Variants in ZFHX3 observed in about 807,000 individuals in gnomAD.
ZFHX3 encodes the protein zinc finger homeobox protein 3.
ZFHX3 carries 42 observed loss-of-function variants against 279.1 expected under a neutral mutation model. That is an observed-to-expected ratio of 0.15 (90% CI 0.12 to 0.19). The LOEUF is 0.19. Ranked by LOEUF, ZFHX3 falls within the 10% of genes least tolerant of loss-of-function variation. ZFHX3 has a pLI of 1.00. For synonymous variants in ZFHX3, 2,293 were observed against 1,957.8 expected (o/e 1.17, Z -4.52); for missense variants, 4,981 against 4,754.0 (o/e 1.05, Z -1.40).
At chr16:72,882,991 T>C (rs1012019827) in intron 4 of ZFHX3, among the ~76,000 whole-genome samples, 4 of 95,302 alleles carry the variant, frequency 4.2e-5, no homozygotes, top group Non-Finnish European at 9.1e-5. Context: ...TGTGTGTGTG[T>C]GTGTGTGTGT....
At chr16:73,160,957 G>A (rs1012666000) in intron 5 of ZFHX3, among the ~76,000 whole-genome samples, 1 of 151,558 alleles carries the variant, frequency 6.6e-6, no homozygotes, top group African/African-American at 2.4e-5. Context: ...ACTTTCTTTG[G>A]CCAATGGGTT....
intron 3 of ZFHX3, among the ~76,000 whole-genome samples, chr16:73,410,218 C>A (rs945228471): frequency 2.6e-5 from 4 of 152,056 alleles, no homozygotes; most frequent in African/African-American, 2.4e-5. Flanking sequence ...GAGTTTGAGA[C>A]CAGTCTGACC....
intron 3 of ZFHX3, among the ~76,000 whole-genome samples, chr16:72,901,047 C>G (rs1341073162): frequency 6.6e-6 from 1 of 152,216 alleles, no homozygotes; most frequent in African/African-American, 2.4e-5. Context: ...GAAGCAGCTG[C>G]CTGCTACTGG....
In ZFHX3 at chr16:72,794,370, G is replaced by A; in HGVS notation, c.8312C>T (p.Ser2771Phe). ...KGDIFDGTSF[S>F]HLPPSSSDGQ... Reference sequence around the variant, plus strand: ...ATCACTACTGCTTGGGGGTAGGTGGGAAAAGCTAGTTCCGTCAAAAATATC... The same window carrying A: ...ATCACTACTGCTTGGGGGTAGGTGGAAAAAGCTAGTTCCGTCAAAAATATC... Residue 2771 changes from serine (S) to phenylalanine (F), a missense_variant, in exon 9 of 10, where the codon TCC (serine) becomes TTC (phenylalanine). Physicochemically the swap from Ser to Phe is radical, Grantham distance 155. Around this residue, in one of 7 missense-constraint regions of ZFHX3, gnomAD observed 744 missense variants for 701.3 expected, o/e 1.06. Coordinates refer to ENST00000268489, the MANE Select transcript of ZFHX3 (RefSeq NM_006885.4). The surrounding 1 kb of genome is among the most constrained non-coding windows in gnomAD (Gnocchi z 4.2). 1 of 1,602,728 alleles carries A rather than the reference G, an allele frequency of 6.2e-7. No individual in the cohort carries two copies. Among genetic ancestry groups the A allele is most frequent in the African/African-American group, 1.3e-5 (1 of 74,756 alleles).
intron 4 of ZFHX3, among the ~76,000 whole-genome samples, chr16:72,883,534 G>T (rs80217632): frequency 0.028 from 4,241 of 152,232 alleles, 122 homozygotes; most frequent in East Asian, 0.15. Flanking sequence ...TATTTTAAAA[G>T]CTGTAAGAAA....
chr16:73,431,950 G>C (rs1251323800), intron 3 of ZFHX3, among the ~76,000 whole-genome samples: 2 of 152,108 alleles, frequency 1.3e-5, no homozygotes, highest in Non-Finnish European at 2.9e-5. Context: ...TTTGACAAGG[G>C]GAATGTTTGG....
At chr16:73,228,003 A>G (rs1163888859) in intron 5 of ZFHX3, among the ~76,000 whole-genome samples, 1 of 152,170 alleles carries the variant, frequency 6.6e-6, no homozygotes, top group Non-Finnish European at 1.5e-5. Flanking sequence ...CTCCCTATGT[A>G]TTAGGCACTA....
intron 4 of ZFHX3, among the ~76,000 whole-genome samples, chr16:73,300,509 C>CTTTT (rs750858471): frequency 6.9e-6 from 1 of 144,138 alleles, no homozygotes; most frequent in Non-Finnish European, 1.5e-5. Context: ...TGCTCCTTGA[C>CTTTT]TTTTTTTTTT....
chr16:73,407,937 C>A (rs551671880), intron 3 of ZFHX3, among the ~76,000 whole-genome samples: 1 of 151,964 alleles, frequency 6.6e-6, no homozygotes, highest in African/African-American at 2.4e-5. Flanking sequence ...TTCCTACAGG[C>A]TGGGGAAAGC....
chr16:73,572,706 C>T (rs1489462679), intron 2 of ZFHX3, among the ~76,000 whole-genome samples: 1 of 152,200 alleles, frequency 6.6e-6, no homozygotes, highest in East Asian at 1.9e-4. Context: ...TTGTGCCTGG[C>T]TTGTATTCAC....
chr16:73,084,849 T>A (rs1363854302), intron 8 of ZFHX3, among the ~76,000 whole-genome samples: 1 of 152,068 alleles, frequency 6.6e-6, no homozygotes, highest in African/African-American at 2.4e-5. Flanking sequence ...ACCAAATACA[T>A]GAAAGATCTC....
chr16:72,803,530 T>C (rs1378430942), intron 7 of ZFHX3, among the ~76,000 whole-genome samples: 1 of 152,138 alleles, frequency 6.6e-6, no homozygotes, highest in Admixed American at 6.5e-5. Flanking sequence ...CAGAACAATA[T>C]ACATGCTTTC....
intron 1 of ZFHX3, among the ~76,000 whole-genome samples, chr16:72,977,490 A>T (rs973931961): frequency 1.3e-5 from 2 of 152,170 alleles, no homozygotes; most frequent in African/African-American, 4.8e-5. Context: ...TGAAGCATAA[A>T]GTCTAGGAAC....
At chr16:73,041,157 T>A (rs1173117823) in intron 1 of ZFHX3, among the ~76,000 whole-genome samples, 1 of 152,188 alleles carries the variant, frequency 6.6e-6, no homozygotes, top group Non-Finnish European at 1.5e-5. Flanking sequence ...ATTTCCTACC[T>A]TCAAACAAAC....
intron 1 of ZFHX3, among the ~76,000 whole-genome samples, chr16:73,041,951 G>C (rs1965133650): frequency 6.6e-6 from 1 of 152,198 alleles, no homozygotes; most frequent in Non-Finnish European, 1.5e-5. Flanking sequence ...GAAGTTGGGA[G>C]ATGGAGAAGA....
chr16:73,557,304 T>C (rs532754997), intron 2 of ZFHX3, among the ~76,000 whole-genome samples: 14 of 152,220 alleles, frequency 9.2e-5, no homozygotes, highest in African/African-American at 3.4e-4. Flanking sequence ...AACAATCTGT[T>C]AGTACTGTAC....
chr16:73,661,767 G>A (rs893968008), intron 2 of ZFHX3, among the ~76,000 whole-genome samples: 1 of 150,202 alleles, frequency 6.7e-6, no homozygotes, highest in South Asian at 2.1e-4. Flanking sequence ...TATTAGTAAT[G>A]GTTTCAAACA....
rs74824978 is a variant in ZFHX3 at position 73,022,069 on chromosome 16, C to G, written c.-50+25683G>C. Among the ~76,000 whole-genome samples, 22 of 152,244 alleles carry G rather than the reference C, an allele frequency of 1.4e-4. No homozygotes were observed. The East Asian group carries it at 4.1e-3, about 28-fold the overall frequency. ...CCCCTGCCCTCGTCCCGCCTCCTCT[C>G]CACAGCATTTAACATCATCCAAAAT... On this transcript the variant is annotated intron_variant, in intron 1 of 9. Transcript: ENST00000268489.
intron 1 of ZFHX3, among the ~76,000 whole-genome samples, chr16:73,031,289 A>G (rs528547878): frequency 2.0e-5 from 3 of 152,358 alleles, no homozygotes; most frequent in East Asian, 3.9e-4. Flanking sequence ...CGGGGGGGGA[A>G]GTAAACATTC....
Sources: gnomAD v4.1 joint callset for allele counts (sites outside exome capture counted in the v4.1 genomes callset) on GRCh38, gnomAD v4.1.1 for gene constraint, gnomAD v4.1.1 regional missense constraint, Gnocchi (gnomAD v3.1) non-coding constraint, MANE v1.5 for transcripts, NCBI Gene and HGNC (gene_info 2026-07-23, HGNC 2026-07-21) for gene names.